The following DLG2 variants were observed in gnomAD, a reference collection of about 807,000 sequenced individuals.
The protein encoded by DLG2 is disks large homolog 2.
Under a neutral mutation model 132.5 loss-of-function variants are expected in DLG2, and 45 were observed. The ratio of observed to expected loss-of-function variants is 0.34; its 90% CI spans 0.27 to 0.44. The LOEUF is 0.44. Ranked by LOEUF, DLG2 falls within the 20% of genes least tolerant of loss-of-function variation. The pLI, the probability that DLG2 is intolerant of heterozygous loss-of-function variation, is 1.00. For synonymous variants in DLG2, 424 were observed against 419.6 expected (o/e 1.01, Z -0.13); for missense variants, 1,045 against 1,196.9 (o/e 0.87, Z 1.87).
chr11:84,844,690 G>A (rs2081245863), intron 6 of DLG2, among the ~76,000 whole-genome samples: 1 of 152,108 alleles, frequency 6.6e-6, no homozygotes, highest in Admixed American at 6.6e-5. Flanking sequence ...AAATTTGGAA[G>A]TAGAAGCAAC....
intron 6 of DLG2, among the ~76,000 whole-genome samples, chr11:84,970,333 G>T (rs1355879679): frequency 2.6e-5 from 4 of 152,042 alleles, no homozygotes; most frequent in Non-Finnish European, 5.9e-5. Flanking sequence ...CTACCCTAAA[G>T]ACTGATACAT....
intron 9 of DLG2, among the ~76,000 whole-genome samples, chr11:84,103,703 A>G (rs974896236): frequency 3.9e-5 from 6 of 152,160 alleles, no homozygotes; most frequent in African/African-American, 1.4e-4. Flanking sequence ...CCTCTCAGAG[A>G]GAGAATCCAC....
At chr11:84,431,187 A>G (rs1038556302) in intron 7 of DLG2, among the ~76,000 whole-genome samples, 2 of 152,230 alleles carry the variant, frequency 1.3e-5, no homozygotes, top group African/African-American at 4.8e-5. Context: ...TAAACATAGT[A>G]TAATATGTAT....
chr11:83,594,936 T>C (rs1399388183), intron 19 of DLG2, among the ~76,000 whole-genome samples: 3 of 152,266 alleles, frequency 2.0e-5, no homozygotes, highest in Non-Finnish European at 2.9e-5. Flanking sequence ...CCACTTTCTG[T>C]ACCACAGCAA....
At chr11:85,478,224 G>T (rs935312875) in intron 3 of DLG2, among the ~76,000 whole-genome samples, 1 of 151,998 alleles carries the variant, frequency 6.6e-6, no homozygotes, top group South Asian at 2.1e-4. Context: ...GTCTCACTAT[G>T]TTGCCCAGGC....
At chr11:84,308,540 C>A (rs1000527909) in intron 7 of DLG2, among the ~76,000 whole-genome samples, 1 of 152,234 alleles carries the variant, frequency 6.6e-6, no homozygotes, top group Non-Finnish European at 1.5e-5. Context: ...CAGTCCCCCG[C>A]CGTGCGCCCG....
At chr11:84,296,654 G>C (rs2098092585) in intron 7 of DLG2, among the ~76,000 whole-genome samples, 1 of 152,004 alleles carries the variant, frequency 6.6e-6, no homozygotes, top group African/African-American at 2.4e-5. Flanking sequence ...TGCTCAGGCT[G>C]GTCTCCAACT....
intron 3 of DLG2, among the ~76,000 whole-genome samples, chr11:85,465,161 G>A (rs1362734704): frequency 2.7e-5 from 2 of 73,290 alleles, no homozygotes; most frequent in Non-Finnish European, 5.3e-5. Context: ...TTTTTTTTTT[G>A]AAACAGGGTC....
intron 2 of DLG2, among the ~76,000 whole-genome samples, chr11:85,599,316 G>A (rs1008854403): frequency 6.6e-6 from 1 of 151,686 alleles, no homozygotes; most frequent in African/African-American, 2.4e-5. Context: ...ACGCATGCAC[G>A]TGCACACTTG....
intron 6 of DLG2, among the ~76,000 whole-genome samples, chr11:84,823,332 A>C (rs1048097305): frequency 6.6e-5 from 10 of 151,854 alleles, no homozygotes; most frequent in South Asian, 4.1e-4. Flanking sequence ...AAGAATAGGA[A>C]TATAATAGGA....
chr11:84,836,255 A>AT (rs1374364415), intron 6 of DLG2, among the ~76,000 whole-genome samples: 2 of 151,834 alleles, frequency 1.3e-5, no homozygotes, highest in African/African-American at 4.8e-5. Context: ...TAAATACTGT[A>AT]TTTTTGTTAT....
chr11:84,673,399 T>C (rs1468448193), intron 6 of DLG2, among the ~76,000 whole-genome samples: 1 of 152,080 alleles, frequency 6.6e-6, no homozygotes, highest in East Asian at 1.9e-4. Context: ...AGACCTGAAT[T>C]TGAATCCTGG....
chr11:85,520,901 T>C (rs759898249), intron 3 of DLG2, among the ~76,000 whole-genome samples: 2 of 152,016 alleles, frequency 1.3e-5, no homozygotes, highest in Non-Finnish European at 2.9e-5. Context: ...GGCTTCAAAC[T>C]ATAAAATTAC....
At chr11:84,498,842 A>C (rs4287355) in intron 7 of DLG2, among the ~76,000 whole-genome samples, 1 of 152,222 alleles carries the variant, frequency 6.6e-6, no homozygotes, top group Non-Finnish European at 1.5e-5. Context: ...AATTACAAAT[A>C]AACTGATTTG....
intron 11 of DLG2, among the ~76,000 whole-genome samples, chr11:84,018,554 T>C (rs1251319369): frequency 6.6e-6 from 1 of 151,860 alleles, no homozygotes; most frequent in Non-Finnish European, 1.5e-5. Context: ...TAAAAAAGGG[T>C]GAAAATAATA....
intron 19 of DLG2, among the ~76,000 whole-genome samples, chr11:83,586,772 G>A (rs2097093554): frequency 6.6e-6 from 1 of 152,196 alleles, no homozygotes; most frequent in Non-Finnish European, 1.5e-5. Flanking sequence ...TCACAGCTAG[G>A]AAATCTCAGA....
At chr11:85,527,138 G>A (rs150717973) in intron 3 of DLG2, among the ~76,000 whole-genome samples, 198 of 150,586 alleles carry the variant, frequency 1.3e-3, no homozygotes, top group Non-Finnish European at 2.1e-3. Context: ...ATTTCTTGGG[G>A]TTTTTTGTTT....
At chr11:84,082,157 C>A (rs955378206) in intron 10 of DLG2, among the ~76,000 whole-genome samples, 1 of 151,952 alleles carries the variant, frequency 6.6e-6, no homozygotes, top group Admixed American at 6.6e-5. Context: ...AATACCATAA[C>A]ACAGTCATTT....
intron 4 of DLG2, among the ~76,000 whole-genome samples, chr11:85,229,246 G>A (rs1238565694): frequency 6.7e-6 from 1 of 150,358 alleles, no homozygotes; most frequent in Non-Finnish European, 1.5e-5. Context: ...CTATCCATTT[G>A]ACAAAGGGCT....
Sources: gnomAD v4.1 joint callset for allele counts (sites outside exome capture counted in the v4.1 genomes callset) on GRCh38, gnomAD v4.1.1 for gene constraint, MANE v1.5 for transcripts, NCBI Gene and HGNC (gene_info 2026-07-23, HGNC 2026-07-21) for gene names.